Variants in PLD3 observed in about 807,000 individuals in gnomAD.
PLD3 encodes the protein phospholipase D family member 3.
PLD3 carries 31 observed loss-of-function variants against 58.4 expected under a neutral mutation model. The ratio of observed to expected loss-of-function variants is 0.53; its 90% CI spans 0.40 to 0.72. PLD3 has a LOEUF of 0.72. Ranked by LOEUF, PLD3 falls within the 30% of genes least tolerant of loss-of-function variation. The pLI, the probability that PLD3 is intolerant of heterozygous loss-of-function variation, is 0.00. For synonymous variants in PLD3, 264 were observed against 273.4 expected (o/e 0.97, Z 0.34); for missense variants, 595 against 659.8 (o/e 0.90, Z 1.08).
chr19:40,369,761 T>G, intron 6 of PLD3, 147 bp from the exon 7 acceptor site: 1 of 698,022 alleles, frequency 1.4e-6, no homozygotes, highest in Non-Finnish European at 2.3e-6. Flanking sequence ...CTTTTAATAT[T>G]TTAATCTGTA....
rs377198371 is a variant in PLD3, at chr19:40,366,959, A to G, written c.245+44A>G. On this transcript the variant is annotated intron_variant, in intron 5 of 12. Coordinates refer to ENST00000409735, the MANE Select transcript of PLD3 (RefSeq NM_012268.4). The stretch of plus-strand genomic sequence containing the variant: ...AGTTGGTGGGGGAGGGGCCTGCCAG[A>G]CCAGGTACACTTAAGCACACACTAA... 1.9e-4 allele frequency: 298 copies of G among 1,558,426 alleles called. 4 individuals carry two copies. In the South Asian group the frequency reaches 2.7e-3, roughly 14 times the overall value.
At chr19:40,355,353 C>T (rs1245273471) in intron 1 of PLD3, among the ~76,000 whole-genome samples, 2 of 151,086 alleles carry the variant, frequency 1.3e-5, no homozygotes, top group African/African-American at 4.9e-5. Flanking sequence ...GCTCTTGTTG[C>T]CCAGGCTGAA....
chr19:40,367,403 C>T (rs61156500), intron 5 of PLD3: 20,663 of 311,354 alleles, frequency 0.066, 1,246 homozygotes, highest in East Asian at 0.18. Flanking sequence ...CAATGTAGTG[C>T]GGCTCCATCT....
intron 1 of PLD3, among the ~76,000 whole-genome samples, chr19:40,362,095 C>A (rs933815658): frequency 1.3e-5 from 2 of 152,152 alleles, no homozygotes; most frequent in Admixed American, 6.5e-5. Flanking sequence ...CATCGGCCCC[C>A]CAAAGTGCTG....
intron 1 of PLD3, among the ~76,000 whole-genome samples, chr19:40,351,943 A>G (rs971101410): frequency 2.0e-5 from 3 of 152,178 alleles, no homozygotes; most frequent in Non-Finnish European, 4.4e-5. Flanking sequence ...GCACTCACAT[A>G]TCCTTTATGT....
Position 40,378,139 on chromosome 19 carries a change from C to G in PLD3, c.1439C>G (p.Ala480Gly). The change falls in exon 13 of 13, where the codon GCT becomes GGT. Residue 480 changes from alanine to glycine, a missense_variant. Physicochemically the swap from Ala to Gly is moderately conservative, Grantham distance 60. Coordinates refer to ENST00000409735, the MANE Select transcript of PLD3 (RefSeq NM_012268.4). The part of the protein sequence containing the change: ...SPYSHDLDTS[A>G]DSVGNACRLL Reference sequence around the variant, plus strand: ...TACAGCCATGACCTTGACACCTCAGCTGACAGCGTGGGCAACGCCTGCCGC... The same window carrying G: ...TACAGCCATGACCTTGACACCTCAGGTGACAGCGTGGGCAACGCCTGCCGC... 1 of 1,612,906 alleles carries G rather than the reference C, an allele frequency of 6.2e-7. No homozygotes were observed. Among genetic ancestry groups the G allele is most frequent in the Non-Finnish European group, 8.5e-7 (1 of 1,179,342 alleles).
intron 1 of PLD3, chr19:40,359,726 G>A (rs1308064450): frequency 3.3e-5 from 5 of 152,110 alleles, no homozygotes; most frequent in South Asian, 2.1e-4. Context: ...AAAAGCAACC[G>A]TCTTGTCTCT....
chr19:40,367,576 T>C lies in PLD3; in HGVS notation c.246-120T>C, dbSNP rs1371059051. 3 of 819,066 alleles carry C rather than the reference T, an allele frequency of 3.7e-6. No individual in the cohort carries two copies. The South Asian group carries it at 5.6e-5, about 15-fold the overall frequency. 50.7% of individuals were successfully genotyped at this position (819,066 alleles called of 1,614,324 possible). A position where few individuals can be genotyped will look rare whatever the true frequency, so the allele number is the denominator to read the frequency against. On this transcript the variant is annotated intron_variant, in intron 5 of 12. Transcript: ENST00000409735. Reference sequence around the variant, plus strand: ...CAGCCTGGGGGACAGGGCAAGACTCTGTCTCTAAAAAAAAAAAAATACAGT... The same window carrying C: ...CAGCCTGGGGGACAGGGCAAGACTCCGTCTCTAAAAAAAAAAAAATACAGT...
chr19:40,367,063 T>G, intron 5 of PLD3, 148 bp downstream of exon 5: 1 of 760,796 alleles, frequency 1.3e-6, no homozygotes, highest in African/African-American at 1.8e-5. Flanking sequence ...GCCCGCCCCC[T>G]CCTCCTCCAC....
chr19:40,363,337 G>T (rs1366003504), intron 1 of PLD3, among the ~76,000 whole-genome samples: 1 of 144,438 alleles, frequency 6.9e-6, no homozygotes, highest in African/African-American at 2.7e-5. Context: ...CCGCCTCTAA[G>T]ACTGATGTTA....
chr19:40,373,991 CAA>C (rs750537190), intron 9 of PLD3, among the ~76,000 whole-genome samples: 9 of 43,562 alleles, frequency 2.1e-4, no homozygotes, highest in Admixed American at 2.4e-4. Context: ...GACTCCATCT[CAA>C]AAAAAAAAAA....
rs1219557444 is a variant in PLD3, at chr19:40,370,097, CT to C, written c.551-12del. The C allele has an allele frequency of 6.2e-7, 1 of 1,603,836 alleles. No homozygotes were observed. The highest frequency in any genetic ancestry group is 8.5e-7 in the Non-Finnish European group (1 of 1,175,474). On this transcript the variant is annotated splice_polypyrimidine_tract_variant and intron_variant, in intron 7 of 12. Transcript: ENST00000409735. Reference sequence around the variant, plus strand: ...CCAGCCTGGCCCCTGATCTCTGCCCCTGCTGGTCACAGGTGCCCAGGTCCGC... The same window carrying C: ...CCAGCCTGGCCCCTGATCTCTGCCCCGCTGGTCACAGGTGCCCAGGTCCGC...
Position 40,366,417 on chromosome 19 carries a change from A to G in PLD3, c.-65-2A>G. On this transcript the variant is annotated splice_acceptor_variant, in intron 2 of 12. Coordinates refer to ENST00000409735, the MANE Select transcript of PLD3 (RefSeq NM_012268.4). LOFTEE classifies it low-confidence loss of function (5UTR_SPLICE). ...ACACAGTGCCCACTTTTGTTCTGCC[A>G]GTTTGGAGACCCTGACACACCCACC... 1.4e-6 allele frequency: 2 copies of G among 1,447,048 alleles called. No individual in the cohort carries two copies. Among genetic ancestry groups the G allele is most frequent in the Admixed American group, 1.7e-5 (1 of 59,796 alleles). 89.6% of individuals were successfully genotyped at this position (1,447,048 alleles called of 1,614,324 possible).
chr19:40,353,539 G>C (rs2078571274), intron 1 of PLD3, among the ~76,000 whole-genome samples: 1 of 152,024 alleles, frequency 6.6e-6, no homozygotes, highest in African/African-American at 2.4e-5. Flanking sequence ...ACACTGCTTT[G>C]CCCTAAACTT....
chr19:40,366,935 G>T lies in PLD3; in HGVS notation c.245+20G>T, dbSNP rs12982240. The T allele has an allele frequency of 1.9e-6, 3 of 1,582,588 alleles. No individual in the cohort carries two copies. The highest frequency in any genetic ancestry group is 2.7e-5 in the African/African-American group (2 of 74,204). ...TTGCGAGTAAGTGGGGGGTGCTGCA[G>T]TTGGTGGGGGAGGGGCCTGCCAGAC... On this transcript the variant is annotated intron_variant, in intron 5 of 12. Transcript: ENST00000409735.
intron 11 of PLD3, among the ~76,000 whole-genome samples, chr19:40,377,031 A>G (rs890614541): frequency 1.4e-5 from 2 of 140,724 alleles, no homozygotes; most frequent in Non-Finnish European, 1.5e-5. Context: ...GGACATGGGC[A>G]GGTAGAGGGG....
At chr19:40,349,350 T>G (rs933599863) in intron 1 of PLD3, among the ~76,000 whole-genome samples, 2 of 152,076 alleles carry the variant, frequency 1.3e-5, no homozygotes, top group Non-Finnish European at 2.9e-5. Context: ...TCCTCATGCT[T>G]CCAGTTTTCC....
At chr19:40,362,503 A>G (rs896523544) in intron 1 of PLD3, among the ~76,000 whole-genome samples, 7 of 152,098 alleles carry the variant, frequency 4.6e-5, no homozygotes, top group Non-Finnish European at 7.4e-5. Context: ...TGGTGCGATC[A>G]CTGCTCACTG....
At position 40,371,621 on chromosome 19, in the gene PLD3, CA is replaced by C. The variant is rs1256884112; in HGVS notation, c.679-51del. The C allele has an allele frequency of 1.9e-5, 24 of 1,276,392 alleles. 1 individual carries two copies. Among genetic ancestry groups the C allele is most frequent in the Middle Eastern group, 3.7e-4 (2 of 5,344 alleles). The allele number at this position is 1,276,392 out of a possible 1,614,324, so 79.1% of individuals were successfully genotyped here. On this transcript the variant is annotated intron_variant, in intron 8 of 12. Transcript: ENST00000409735. The stretch of plus-strand genomic sequence containing the variant: ...AGACCAGACTGGGGAGTGTCCCTGT[CA>C]TCTGTGAGCACTAGGCCGCTATCGC...
Sources: gnomAD v4.1 joint callset for allele counts (sites outside exome capture counted in the v4.1 genomes callset) on GRCh38, gnomAD v4.1.1 for gene constraint, MANE v1.5 for transcripts, NCBI Gene and HGNC (gene_info 2026-07-23, HGNC 2026-07-21) for gene names.